Variants in KANK1 observed in about 807,000 individuals in gnomAD.
The protein encoded by KANK1 is KN motif and ankyrin repeat domain-containing protein 1.
KANK1 carries 109 observed loss-of-function variants against 106.2 expected under a neutral mutation model. The observed-to-expected ratio is 1.03, with a 90% CI of 0.88 to 1.20. The LOEUF (loss-of-function observed/expected upper bound fraction) is 1.20, where lower values mean the gene tolerates loss of function less well. Ranked by LOEUF, KANK1 falls within the 50% of genes most tolerant of loss-of-function variation. KANK1 has a pLI of 0.00. For missense variants in KANK1, 2,399 were observed against 1,710.7 expected (o/e 1.40, Z -7.10); for synonymous variants, 873 against 652.2 (o/e 1.34, Z -5.16).
chr9:713,351 T>G lies in KANK1; in HGVS notation c.2585T>G (p.Leu862Arg). The G allele has an allele frequency of 6.2e-7, 1 of 1,614,174 alleles. No homozygotes were observed. ...GAACCTCACTCACAGATGGGCTCCC[T>G]CAACTCTCAGCTCATCAGCACCCTG... ...FGEPHSQMGS[L>R]NSQLISTLSS... The change falls in exon 3 of 12, where the codon CTC (leucine) becomes CGC (arginine). Residue 862 changes from leucine (L) to arginine (R), a missense_variant. Transcript: ENST00000382297.
Position 711,529 on chromosome 9 carries a change from GTGAGCCC to G in KANK1, c.764_770del (p.Val255AlafsTer15). The G allele has an allele frequency of 6.2e-7, 1 of 1,613,796 alleles. No individual in the cohort carries two copies. The highest frequency in any genetic ancestry group is 8.5e-7 in the Non-Finnish European group (1 of 1,179,880). The stretch of plus-strand genomic sequence containing the variant: ...AGGGATCTCCACCCCAGTGACCAAC[GTGAGCCC>G]CATGCACCTGCAGCACATCCGCGAG... On this transcript the variant is annotated frameshift_variant, in exon 3 of 12. Transcript: ENST00000382297. LOFTEE classifies it high-confidence loss of function.
chr9:481,293 A>AC (rs2058198722), intron 3 of KANK1, among the ~76,000 whole-genome samples: 2 of 136,684 alleles, frequency 1.5e-5, no homozygotes, highest in African/African-American at 5.6e-5. Flanking sequence ...AACAAAACAA[A>AC]ACAAAAAAAA....
intron 1 of KANK1, among the ~76,000 whole-genome samples, chr9:590,362 T>C (rs1824545715): frequency 6.6e-6 from 1 of 152,134 alleles, no homozygotes; most frequent in Non-Finnish European, 1.5e-5. Flanking sequence ...CAAAGTCCCT[T>C]TCTAACATTA....
intron 1 of KANK1, among the ~76,000 whole-genome samples, chr9:648,192 C>T (rs1345013301): frequency 4.9e-5 from 7 of 143,230 alleles, no homozygotes; most frequent in Admixed American, 1.3e-4. Flanking sequence ...TTAGTAGAGA[C>T]GGGGTGTCAT....
At chr9:704,807 C>G (rs958450589) in intron 2 of KANK1, among the ~76,000 whole-genome samples, 1 of 151,824 alleles carries the variant, frequency 6.6e-6, no homozygotes, top group East Asian at 1.9e-4. Flanking sequence ...ATAGCAAGAA[C>G]TCATCTCTAT....
chr9:572,347 G>A (rs1306684997), intron 1 of KANK1, among the ~76,000 whole-genome samples: 3 of 151,708 alleles, frequency 2.0e-5, no homozygotes, highest in Non-Finnish European at 4.4e-5. Flanking sequence ...TCAAGAGATC[G>A]AGACCATCCT....
At chr9:594,718 G>A (rs1157715326) in intron 1 of KANK1, among the ~76,000 whole-genome samples, 1 of 151,678 alleles carries the variant, frequency 6.6e-6, no homozygotes, top group Admixed American at 6.6e-5. Context: ...CAAAAATATT[G>A]AACGTGATTT....
intron 1 of KANK1, among the ~76,000 whole-genome samples, chr9:577,466 T>C (rs1298339976): frequency 6.6e-6 from 1 of 151,864 alleles, no homozygotes; most frequent in Non-Finnish European, 1.5e-5. Context: ...TACAAACCTT[T>C]AGCTAGACAC....
intron 1 of KANK1, among the ~76,000 whole-genome samples, chr9:657,939 G>A (rs930355922): frequency 6.6e-6 from 1 of 152,074 alleles, no homozygotes. Context: ...CTGGAATGCA[G>A]TGGCTCTTCA....
intron 1 of KANK1, among the ~76,000 whole-genome samples, chr9:614,432 C>T (rs975068702): frequency 2.6e-5 from 4 of 152,112 alleles, no homozygotes; most frequent in African/African-American, 9.7e-5. Context: ...ATCATACTGG[C>T]ATAAAGTTAA....
At chr9:543,545 G>C (rs1214605842) in intron 1 of KANK1, among the ~76,000 whole-genome samples, 3 of 138,512 alleles carry the variant, frequency 2.2e-5, no homozygotes, top group Non-Finnish European at 4.5e-5. Context: ...GGCAACAAGA[G>C]TGAAACTCTG....
At chr9:586,710 G>A (rs899543487) in intron 1 of KANK1, among the ~76,000 whole-genome samples, 1 of 152,152 alleles carries the variant, frequency 6.6e-6, no homozygotes, top group Non-Finnish European at 1.5e-5. Context: ...ACACGGAGGA[G>A]GAGAACAGAA....
At chr9:672,047 G>A (rs1025668997) in intron 1 of KANK1, among the ~76,000 whole-genome samples, 4 of 152,140 alleles carry the variant, frequency 2.6e-5, no homozygotes, top group African/African-American at 9.7e-5. Flanking sequence ...GGTAACTAAG[G>A]TGTCTACCTT....
chr9:732,071 ACCTAC>A (rs1383252365), intron 5 of KANK1: 2 of 211,812 alleles, frequency 9.4e-6, no homozygotes, highest in Admixed American at 1.0e-4. Context: ...GACAAAAAGC[ACCTAC>A]CGATCTGTTT....
chr9:552,825 C>T (rs540506312), intron 1 of KANK1, among the ~76,000 whole-genome samples: 2 of 152,292 alleles, frequency 1.3e-5, no homozygotes, highest in South Asian at 4.1e-4. Flanking sequence ...AGCTATTTTT[C>T]TACCATGTGA....
chr9:744,551 C>T lies in KANK1; in HGVS notation c.3958C>T (p.Leu1320=). Residue 1320 remains leucine (L), a synonymous_variant, in exon 11 of 12, where the codon CTG becomes TTG. Coordinates refer to ENST00000382297, the MANE Select transcript of KANK1 (RefSeq NM_015158.5). Reference sequence around the variant, plus strand: ...AGGACACAAGGACATCGCTGTTCTTCTGTATGCCCATGTCAACTTTGCAAA... The same window carrying T: ...AGGACACAAGGACATCGCTGTTCTTTTGTATGCCCATGTCAACTTTGCAAA... ...EAGHKDIAVL[L]YAHVNFAKAQ... is the part of the protein sequence containing the mutation. 3 of 1,614,168 alleles carry T rather than the reference C, an allele frequency of 1.9e-6. No homozygotes were observed. The highest frequency in any genetic ancestry group is 2.5e-6 in the Non-Finnish European group (3 of 1,180,002).
chr9:685,398 A>T lies in KANK1; in HGVS notation c.37+8389A>T, dbSNP rs78503916. The T allele has an allele frequency of 7.9e-5, 3 of 38,146 alleles. No individual in the cohort carries two copies. In the Admixed American group the frequency reaches 9.7e-4, roughly 12 times the overall value. 2.4% of individuals were successfully genotyped at this position (38,146 alleles called of 1,614,324 possible). A position where few individuals can be genotyped will look rare whatever the true frequency, so the allele number is the denominator to read the frequency against. On this transcript the variant is annotated intron_variant, in intron 2 of 11. Transcript: ENST00000382297. ...GATTAAACAATATTCTATAAAAATGAGAGAAGGCCACTCTAATCAACAGAT... is the reference window on the plus strand; with the variant it reads ...GATTAAACAATATTCTATAAAAATGTGAGAAGGCCACTCTAATCAACAGAT...
chr9:699,827 T>C (rs558942446), intron 2 of KANK1, among the ~76,000 whole-genome samples: 87 of 152,258 alleles, frequency 5.7e-4, no homozygotes, highest in Non-Finnish European at 9.4e-4. Context: ...ATAAAAAATT[T>C]AAAAATTAGC....
At position 571,979 on chromosome 9, in the gene KANK1, C is replaced by T. The variant is rs144435133; in HGVS notation, c.-84+67225C>T. Among the ~76,000 whole-genome samples the T allele has an allele frequency of 2.6e-4, 39 of 152,156 alleles. 1 individual carries two copies. In the East Asian group the frequency reaches 6.8e-3, roughly 26 times the overall value. On this transcript the variant is annotated intron_variant, in intron 1 of 11. Coordinates refer to ENST00000382297, the MANE Select transcript of KANK1 (RefSeq NM_015158.5). ...TTGTGGGTGTAGGTGCAGAACAACT[C>T]GGAACTTTGTGGTTGGGCATCTTTT...
Sources: allele counts gnomAD v4.1 joint callset (sites outside exome capture counted in the v4.1 genomes callset), GRCh38; gene constraint gnomAD v4.1.1; transcripts MANE v1.5; gene names NCBI Gene and HGNC (gene_info 2026-07-23, HGNC 2026-07-21).